ZBTB7C: variants seen among roughly 807,000 people sequenced by gnomAD.
ZBTB7C encodes the protein zinc finger and BTB domain-containing protein 7C.
Under a neutral mutation model 25.7 loss-of-function variants are expected in ZBTB7C, and 8 were observed. The observed-to-expected ratio is 0.31, with a 90% CI of 0.18 to 0.56. The LOEUF (loss-of-function observed/expected upper bound fraction) is 0.56, where lower values mean the gene tolerates loss of function less well. ZBTB7C is among the 20% of genes least tolerant of loss of function. The pLI, the probability that ZBTB7C is intolerant of heterozygous loss-of-function variation, is 0.91. For synonymous variants in ZBTB7C, 394 were observed against 369.0 expected (o/e 1.07, Z -0.78); for missense variants, 824 against 855.2 (o/e 0.96, Z 0.46).
At chr18:48,127,795 G>A (rs2039854670) in intron 3 of ZBTB7C, among the ~76,000 whole-genome samples, 1 of 152,208 alleles carries the variant, frequency 6.6e-6, no homozygotes, top group African/African-American at 2.4e-5. Flanking sequence ...TCACTCAGAG[G>A]GTGCGCCACA....
In ZBTB7C at chr18:48,146,899, T is replaced by G. The variant is rs114072337; in HGVS notation, c.-17+39035A>C. Among the ~76,000 whole-genome samples, 1,193 of 152,360 alleles carry G rather than the reference T, an allele frequency of 7.8e-3. 10 individuals are homozygous for G. Among genetic ancestry groups the G allele is most frequent in the African/African-American group, 0.027 (1,136 of 41,592 alleles). On this transcript the variant is annotated intron_variant, in intron 3 of 4. Coordinates refer to ENST00000590800, the MANE Select transcript of ZBTB7C (RefSeq NM_001318841.2). ...CCTTGTCAAACACACTCTCATCAGA[T>G]TAACTATGGCCATTTTAAGTTATCA... is the stretch of plus-strand genomic sequence containing the variant.
chr18:48,211,851 T>C (rs944246804), intron 2 of ZBTB7C, among the ~76,000 whole-genome samples: 2 of 152,172 alleles, frequency 1.3e-5, no homozygotes, highest in African/African-American at 4.8e-5. Context: ...TTTACCTAAA[T>C]GAATTAAAAA....
At chr18:48,159,405 G>A (rs2040934001) in intron 3 of ZBTB7C, among the ~76,000 whole-genome samples, 1 of 152,180 alleles carries the variant, frequency 6.6e-6, no homozygotes, top group South Asian at 2.1e-4. Context: ...CACAGGGCCT[G>A]GCACTTGGAA....
At chr18:48,106,069 T>C (rs1365148986) in intron 3 of ZBTB7C, among the ~76,000 whole-genome samples, 1 of 152,242 alleles carries the variant, frequency 6.6e-6, no homozygotes, top group Non-Finnish European at 1.5e-5. Context: ...AATCCTAATG[T>C]GTTAATGCCA....
chr18:48,041,251 C>T, intron 3 of ZBTB7C, 128 bp from the exon 4 acceptor site: 2 of 1,416,714 alleles, frequency 1.4e-6, no homozygotes, highest in Non-Finnish European at 1.8e-6. Context: ...AGTCCTCCTA[C>T]CTCTTAGCCT....
intron 1 of ZBTB7C, among the ~76,000 whole-genome samples, chr18:48,357,077 G>C (rs930330402): frequency 1.3e-5 from 2 of 152,216 alleles, no homozygotes; most frequent in African/African-American, 4.8e-5. Context: ...CATCCCCTGA[G>C]GCAGCCTGCA....
intron 2 of ZBTB7C, among the ~76,000 whole-genome samples, chr18:48,326,415 G>C (rs1406375925): frequency 6.6e-6 from 1 of 152,118 alleles, no homozygotes; most frequent in Non-Finnish European, 1.5e-5. Context: ...TTCTAAAAAA[G>C]ATTTGGGGTG....
chr18:48,230,255 T>A (rs2043216725), intron 2 of ZBTB7C, among the ~76,000 whole-genome samples: 1 of 152,176 alleles, frequency 6.6e-6, no homozygotes, highest in African/African-American at 2.4e-5. Flanking sequence ...GCAAGGTTTA[T>A]CCCCTGTTCA....
intron 3 of ZBTB7C, among the ~76,000 whole-genome samples, chr18:48,181,664 A>C (rs2041927117): frequency 6.6e-6 from 1 of 151,904 alleles, no homozygotes; most frequent in Non-Finnish European, 1.5e-5. Context: ...CCTGTTTTCT[A>C]CCCAAAACTA....
intron 2 of ZBTB7C, chr18:48,252,296 G>A (rs2043884845): frequency 1.3e-5 from 2 of 152,260 alleles, no homozygotes; most frequent in South Asian, 4.1e-4. Context: ...TTTCTTCATA[G>A]CACTATGGAG....
At chr18:48,410,684 T>A (rs915966032), upstream of ZBTB7C, 1 of 152,502 alleles carries the variant, frequency 6.6e-6, no homozygotes, top group Non-Finnish European at 1.5e-5. Context: ...CCTACCTTTT[T>A]GCAGTCCACC....
intron 3 of ZBTB7C, among the ~76,000 whole-genome samples, chr18:48,077,538 G>A (rs2037819071): frequency 6.6e-6 from 1 of 152,244 alleles, no homozygotes; most frequent in African/African-American, 2.4e-5. Flanking sequence ...CTGGCATGGA[G>A]CAGCTGCTTA....
chr18:48,109,207 C>T (rs571513747), intron 3 of ZBTB7C, among the ~76,000 whole-genome samples: 1 of 152,250 alleles, frequency 6.6e-6, no homozygotes, highest in East Asian at 1.9e-4. Flanking sequence ...CAAGGGAGAA[C>T]ACATCGAAGG....
intron 3 of ZBTB7C, among the ~76,000 whole-genome samples, chr18:48,114,362 G>A (rs1321962064): frequency 2.6e-5 from 4 of 152,212 alleles, no homozygotes; most frequent in African/African-American, 9.6e-5. Flanking sequence ...AGCACTTTGG[G>A]AGGCTGAGGT....
chr18:48,358,124 G>A (rs1480404103), intron 1 of ZBTB7C, among the ~76,000 whole-genome samples: 1 of 152,222 alleles, frequency 6.6e-6, no homozygotes, highest in African/African-American at 2.4e-5. Context: ...GCCGAGGCGG[G>A]TGGATCAGTT....
intron 3 of ZBTB7C, among the ~76,000 whole-genome samples, chr18:48,094,667 A>G (rs952375841): frequency 6.6e-6 from 1 of 152,180 alleles, no homozygotes; most frequent in African/African-American, 2.4e-5. Context: ...CAGAATTCTA[A>G]GAAATAAATC....
intron 2 of ZBTB7C, among the ~76,000 whole-genome samples, chr18:48,323,286 G>A (rs1239078180): frequency 6.6e-6 from 1 of 152,232 alleles, no homozygotes; most frequent in Non-Finnish European, 1.5e-5. Flanking sequence ...GGGCTTCAGT[G>A]TCACCCTCTG....
In ZBTB7C at chr18:48,029,065, C is replaced by T. The variant is rs2035612088; in HGVS notation, c.*195G>A. ...GCTCCTGGCCTTTTGGGAAAAGATG[C>T]CCGTCTCAGACCAGCAAAAGGAGGC... is the stretch of plus-strand genomic sequence containing the variant. On this transcript the variant is annotated 3_prime_UTR_variant, in exon 5 of 5. Coordinates refer to ENST00000590800, the MANE Select transcript of ZBTB7C (RefSeq NM_001318841.2). The T allele has an allele frequency of 5.1e-6, 4 of 779,692 alleles. No individual in the cohort carries two copies. Among genetic ancestry groups the T allele is most frequent in the South Asian group, 2.2e-5 (1 of 46,286 alleles). 48.3% of individuals were successfully genotyped at this position (779,692 alleles called of 1,614,324 possible).
At chr18:48,178,829 G>A (rs2041776725) in intron 3 of ZBTB7C, among the ~76,000 whole-genome samples, 1 of 152,164 alleles carries the variant, frequency 6.6e-6, no homozygotes, top group South Asian at 2.1e-4. Context: ...CTGAGACACT[G>A]ACAGATCCAG....
Sources: allele counts gnomAD v4.1 joint callset (sites outside exome capture counted in the v4.1 genomes callset), GRCh38; gene constraint gnomAD v4.1.1; transcripts MANE v1.5; gene names NCBI Gene and HGNC (gene_info 2026-07-23, HGNC 2026-07-21).